The following MCL1 variants were observed in gnomAD, a reference collection of about 807,000 sequenced individuals.
The protein encoded by MCL1 is MCL1 apoptosis regulator, BCL2 family member, also known as induced myeloid leukemia cell differentiation protein Mcl-1.
MCL1 carries 4 observed loss-of-function variants against 24.2 expected under a neutral mutation model. That is an observed-to-expected ratio of 0.17 (90% CI 0.08 to 0.38). The LOEUF is 0.38. MCL1 is among the 10% of genes least tolerant of loss of function. The pLI, the probability that MCL1 is intolerant of heterozygous loss-of-function variation, is 1.00. For missense variants in MCL1, 529 were observed against 480.3 expected (o/e 1.10, Z -0.95); for synonymous variants, 248 against 214.0 (o/e 1.16, Z -1.39).
Position 150,575,227 on chromosome 1 carries a change from C to T in MCL1, c.*2148G>A, listed in dbSNP as rs1469370606. The T allele has an allele frequency of 2.1e-5, 5 of 233,210 alleles. No individual in the cohort carries two copies. Among genetic ancestry groups the T allele is most frequent in the Non-Finnish European group, 4.2e-5 (5 of 117,844 alleles). 14.4% of individuals were successfully genotyped at this position (233,210 alleles called of 1,614,324 possible). ...GATAAATACATAGGTAAAAATAGCT[C>T]TAGCAAAGATGACCTTATGGCTCTG... On this transcript the variant is annotated 3_prime_UTR_variant, in exon 3 of 3. Transcript: ENST00000369026.
At position 150,576,137 on chromosome 1, in the gene MCL1, C is replaced by A. The variant is rs1432048153; in HGVS notation, c.*1238G>T. On this transcript the variant is annotated 3_prime_UTR_variant, in exon 3 of 3. Transcript: ENST00000369026. Reference sequence around the variant, plus strand: ...TGTCTCTCCATCCACCTGATGTGATCTTTTTATATGCACACAGCTAATGAG... The same window carrying A: ...TGTCTCTCCATCCACCTGATGTGATATTTTTATATGCACACAGCTAATGAG... The A allele has an allele frequency of 1.3e-5, 3 of 233,300 alleles. No homozygotes were observed. Among genetic ancestry groups the A allele is most frequent in the African/African-American group, 6.6e-5 (3 of 45,318 alleles). 14.5% of individuals were successfully genotyped at this position (233,300 alleles called of 1,614,324 possible).
Position 150,579,445 on chromosome 1 carries a change from G to C in MCL1, c.86C>G (p.Thr29Ser), listed in dbSNP as rs775135247. The C allele has an allele frequency of 6.3e-7, 1 of 1,591,356 alleles. No individual in the cohort carries two copies. Among genetic ancestry groups the C allele is most frequent in the South Asian group, 1.1e-5 (1 of 89,714 alleles). Residue 29 changes from threonine to serine, a missense_variant, in exon 1 of 3, where the codon ACC becomes AGC. Transcript: ENST00000369026. The stretch of plus-strand genomic sequence containing the variant: ...AGCCAAAAGTCGCCCTCCCGGGCGG[G>C]TGGCGCCGCCGCTGCCGGCCCCCAA... ...AGLGAGSGGA[T>S]RPGGRLLATE... is the part of the protein sequence containing the mutation.
At position 150,579,402 on chromosome 1, in the gene MCL1, C is replaced by G; in HGVS notation, c.129G>C (p.Ser43=). ...CCCCTCCCCCTATCTCTCGCCGGGC[C>G]GAGGCCTCCTTCTCCGTAGCCAAAA... ...GRLLATEKEA[S]ARREIGGGEA... is the part of the protein sequence containing the mutation. Residue 43 remains serine (S), a synonymous_variant, in exon 1 of 3, where the codon TCG becomes TCC. Transcript: ENST00000369026. 4 of 1,566,472 alleles carry G rather than the reference C, an allele frequency of 2.6e-6. No individual in the cohort carries two copies. The South Asian group carries it at 4.6e-5, about 18-fold the overall frequency.
At chr1:150,577,613 AATT>A (rs1300972142) in intron 2 of MCL1, 122 bp from the exon 3 acceptor site, 9 of 1,068,752 alleles carry the variant, frequency 8.4e-6, no homozygotes, top group South Asian at 3.7e-5. Flanking sequence ...ATAGTAAACC[AATT>A]ATTATTCACC....
chr1:150,578,633 T>C, intron 1 of MCL1, 142 bp from the exon 2 acceptor site: 2 of 1,125,880 alleles, frequency 1.8e-6, no homozygotes, highest in Non-Finnish European at 2.5e-6. Context: ...CATCCCACCC[T>C]TTCCGGTCTT....
At position 150,574,714 on chromosome 1, in the gene MCL1, C is replaced by G. The variant is rs1293876363; in HGVS notation, c.*2661G>C. 3.4e-5 allele frequency: 8 copies of G among 233,128 alleles called. No individual in the cohort carries two copies. The highest frequency in any genetic ancestry group is 1.8e-4 in the South Asian group (1 of 5,530). 14.4% of individuals were successfully genotyped at this position (233,128 alleles called of 1,614,324 possible). ...TTAACCAGAACCAAGGTGTTCACCCCCCACAGAATGTACATGAAACACTAG... is the reference window on the plus strand; with the variant it reads ...TTAACCAGAACCAAGGTGTTCACCCGCCACAGAATGTACATGAAACACTAG... On this transcript the variant is annotated 3_prime_UTR_variant, in exon 3 of 3. Transcript: ENST00000369026.
Position 150,575,394 on chromosome 1 carries a change from C to T in MCL1, c.*1981G>A, listed in dbSNP as rs587770746. The T allele has an allele frequency of 4.3e-6, 1 of 232,896 alleles. No individual in the cohort carries two copies. The highest frequency in any genetic ancestry group is 2.2e-5 in the African/African-American group (1 of 45,322). The allele number at this position is 232,896 out of a possible 1,614,324, so 14.4% of individuals were successfully genotyped here. On this transcript the variant is annotated 3_prime_UTR_variant, in exon 3 of 3. Coordinates refer to ENST00000369026, the MANE Select transcript of MCL1 (RefSeq NM_021960.5). ...ACCCTAGTTCCAATATAGACACTTT[C>T]TTCAGTTTATCAGTAGCTTTTAAAC...
chr1:150,579,375 C>A lies in MCL1; in HGVS notation c.156G>T (p.Glu52Asp). The A allele has an allele frequency of 6.7e-7, 1 of 1,503,608 alleles. No individual in the cohort carries two copies. The highest frequency in any genetic ancestry group is 8.8e-7 in the Non-Finnish European group (1 of 1,134,958). The allele number at this position is 1,503,608 out of a possible 1,614,324, so 93.1% of individuals were successfully genotyped here. The change falls in exon 1 of 3, where the codon GAG becomes GAT. Residue 52 changes from glutamate to aspartate, a missense_variant. Coordinates refer to ENST00000369026, the MANE Select transcript of MCL1 (RefSeq NM_021960.5). ...ASARREIGGG[E>D]AGAVIGGSAG... ...CGCTTCCGCCAATCACCGCGCCGGC[C>A]TCCCCTCCCCCTATCTCTCGCCGGG...
At position 150,578,276 on chromosome 1, in the gene MCL1, T is replaced by C. The variant is rs1431891445; in HGVS notation, c.904A>G (p.Lys302Glu). 1.2e-6 allele frequency: 2 copies of C among 1,614,088 alleles called. No homozygotes were observed. Among genetic ancestry groups the C allele is most frequent in the Admixed American group, 1.7e-5 (1 of 60,008 alleles). Residue 302 changes from lysine to glutamate, a missense_variant, in exon 2 of 3, where the codon AAA becomes GAA. Physicochemically the swap from Lys to Glu is moderately conservative, Grantham distance 56. Transcript: ENST00000369026. ...ESITDVLVRT[K>E]RDWLVKQRGW... ...CTTTGTTTAACTAGCCAGTCCCGTT[T>C]TGTCCTTACGAGAACGTCTGTGATA...
At position 150,574,888 on chromosome 1, in the gene MCL1, G is replaced by GCCT. The variant is rs1371927680; in HGVS notation, c.*2484_*2486dup. 5 of 233,064 alleles carry GCCT rather than the reference G, an allele frequency of 2.1e-5. No individual in the cohort carries two copies. The highest frequency in any genetic ancestry group is 3.4e-5 in the Non-Finnish European group (4 of 117,998). The allele number at this position is 233,064 out of a possible 1,614,324, so 14.4% of individuals were successfully genotyped here. On this transcript the variant is annotated 3_prime_UTR_variant, in exon 3 of 3. Coordinates refer to ENST00000369026, the MANE Select transcript of MCL1 (RefSeq NM_021960.5). ...TAGCCAGTCAGCACTTAGACCACCT[G>GCCT]CCTCCTCCTCCCCCTATAAACCCAC... is the stretch of plus-strand genomic sequence containing the variant.
chr1:150,579,439 G>C lies in MCL1; in HGVS notation c.92C>G (p.Pro31Arg), dbSNP rs745465126. The change falls in exon 1 of 3, where the codon CCG becomes CGG. Residue 31 changes from proline (P) to arginine (R), a missense_variant. Physicochemically the swap from Pro to Arg is moderately radical, Grantham distance 103. Transcript: ENST00000369026. ...LGAGSGGATR[P>R]GGRLLATEKE... is the part of the protein sequence containing the mutation. Reference sequence around the variant, plus strand: ...CTCCGTAGCCAAAAGTCGCCCTCCCGGGCGGGTGGCGCCGCCGCTGCCGGC... The same window carrying C: ...CTCCGTAGCCAAAAGTCGCCCTCCCCGGCGGGTGGCGCCGCCGCTGCCGGC... 3 of 1,588,594 alleles carry C rather than the reference G, an allele frequency of 1.9e-6. No homozygotes were observed. Among genetic ancestry groups the C allele is most frequent in the East Asian group, 2.4e-5 (1 of 41,656 alleles).
chr1:150,578,494 G>A lies in MCL1; in HGVS notation c.689-3C>T, dbSNP rs750175521. The stretch of plus-strand genomic sequence containing the variant: ...GATGTCCAGTTTCCGAAGCATGCCT[G>A]AGAAAGAAAAGCATGCAGGTCCTCA... On this transcript the variant is annotated splice_region_variant and splice_polypyrimidine_tract_variant and intron_variant, in intron 1 of 2. Coordinates refer to ENST00000369026, the MANE Select transcript of MCL1 (RefSeq NM_021960.5). 8 of 1,613,728 alleles carry A rather than the reference G, an allele frequency of 5.0e-6. 1 individual carries two copies. Among genetic ancestry groups the A allele is most frequent in the Non-Finnish European group, 6.8e-6 (8 of 1,179,800 alleles).
At position 150,578,700 on chromosome 1, in the gene MCL1, G is replaced by C. The variant is rs587723454; in HGVS notation, c.688+143C>G. 4.7e-6 allele frequency: 5 copies of C among 1,056,504 alleles called. No individual in the cohort carries two copies. The African/African-American group carries it at 6.4e-5, about 13-fold the overall frequency. 65.4% of individuals were successfully genotyped at this position (1,056,504 alleles called of 1,614,324 possible). A position where few individuals can be genotyped will look rare whatever the true frequency, so the allele number is the denominator to read the frequency against. ...AGATGGGCGGAAACAATGACTCATG[G>C]CCAGAATATTCTGGCTTCAGGAATA... On this transcript the variant is annotated intron_variant, in intron 1 of 2. Coordinates refer to ENST00000369026, the MANE Select transcript of MCL1 (RefSeq NM_021960.5).
Position 150,576,679 on chromosome 1 carries a change from T to A in MCL1, c.*696A>T. On this transcript the variant is annotated 3_prime_UTR_variant, in exon 3 of 3. Transcript: ENST00000369026. The stretch of plus-strand genomic sequence containing the variant: ...GAAATAGACTTTCTGTAAAAATATA[T>A]ACAATTTTTACAAATACATTTACAA... The A allele has an allele frequency of 4.3e-6, 1 of 232,330 alleles. No individual in the cohort carries two copies. The highest frequency in any genetic ancestry group is 6.1e-5 in the East Asian group (1 of 16,310). The allele number at this position is 232,330 out of a possible 1,614,324, so 14.4% of individuals were successfully genotyped here.
Position 150,576,223 on chromosome 1 carries a change from A to C in MCL1, c.*1152T>G, listed in dbSNP as rs2101690997. 4.3e-6 allele frequency: 1 copy of C among 233,210 alleles called. No individual in the cohort carries two copies. 14.4% of individuals were successfully genotyped at this position (233,210 alleles called of 1,614,324 possible). On this transcript the variant is annotated 3_prime_UTR_variant, in exon 3 of 3. Transcript: ENST00000369026. ...AAAGATGAGCCCATGAATTCACTTT[A>C]AATTTCACCAGTTAAATTAGGTCAA...
chr1:150,578,618 A>G, intron 1 of MCL1, 127 bp from the exon 2 acceptor site: 2 of 1,226,380 alleles, frequency 1.6e-6, no homozygotes, highest in Non-Finnish European at 2.3e-6. Flanking sequence ...CCCACTTGAA[A>G]TTGACATCCC....
In MCL1 at chr1:150,579,223, C is replaced by T. The variant is rs2101699518; in HGVS notation, c.308G>A (p.Arg103His). 6.4e-7 allele frequency: 1 copy of T among 1,563,712 alleles called. No individual in the cohort carries two copies. Among genetic ancestry groups the T allele is most frequent in the South Asian group, 1.2e-5 (1 of 85,796 alleles). The change falls in exon 1 of 3, where the codon CGC becomes CAC. Residue 103 changes from arginine to histidine, a missense_variant. Transcript: ENST00000369026. ...CATCTCCTCAAGCGGCGCCGCGCGG[C>T]GGGTGGGCGCGAAGAAAAGCAGCCT... ...PARLLFFAPT[R>H]RAAPLEEMEA...
At position 150,575,287 on chromosome 1, in the gene MCL1, TTC is replaced by T. The variant is rs1331509629; in HGVS notation, c.*2086_*2087del. Reference sequence around the variant, plus strand: ...GGCAGGGCAGTTCTTCCCCATTACATTCTTAGTCATCTTATTCATACCTATTT... The same window carrying T: ...GGCAGGGCAGTTCTTCCCCATTACATTTAGTCATCTTATTCATACCTATTT... On this transcript the variant is annotated 3_prime_UTR_variant, in exon 3 of 3. Transcript: ENST00000369026. The T allele has an allele frequency of 1.3e-5, 3 of 233,156 alleles. No homozygotes were observed. Among genetic ancestry groups the T allele is most frequent in the African/African-American group, 6.6e-5 (3 of 45,328 alleles). 14.4% of individuals were successfully genotyped at this position (233,156 alleles called of 1,614,324 possible).
In MCL1 at chr1:150,575,938, G is replaced by C. The variant is rs1359275121; in HGVS notation, c.*1437C>G. ...TCCAAAGATGCCAATGCAAAAACTT[G>C]CAACAAGGTTTGGGAATCATTAATA... On this transcript the variant is annotated 3_prime_UTR_variant, in exon 3 of 3. Transcript: ENST00000369026. The C allele has an allele frequency of 4.3e-6, 1 of 233,564 alleles. No individual in the cohort carries two copies. Among genetic ancestry groups the C allele is most frequent in the Non-Finnish European group, 8.5e-6 (1 of 118,060 alleles). 14.5% of individuals were successfully genotyped at this position (233,564 alleles called of 1,614,324 possible).
Sources: allele counts gnomAD v4.1 joint callset, GRCh38; gene constraint gnomAD v4.1.1; transcripts MANE v1.5; gene names NCBI Gene and HGNC (gene_info 2026-07-23, HGNC 2026-07-21).